SBF2: variants seen among roughly 807,000 people sequenced by gnomAD.
SBF2 encodes the protein SET binding factor 2, also known as myotubularin-related protein 13.
SBF2 carries 112 observed loss-of-function variants against 225.2 expected under a neutral mutation model. The ratio of observed to expected loss-of-function variants is 0.50; its 90% CI spans 0.43 to 0.58. The LOEUF is 0.58. Ranked by LOEUF, SBF2 falls within the 20% of genes least tolerant of loss-of-function variation. The pLI, the probability that SBF2 is intolerant of heterozygous loss-of-function variation, is 0.00. For synonymous variants in SBF2, 763 were observed against 773.3 expected, an observed-to-expected ratio of 0.99 and a Z score of 0.22; for missense variants, 1,996 against 2,206.2, an observed-to-expected ratio of 0.90 and a Z score of 1.91.
chr11:9,795,909 T>C lies in SBF2; in HGVS notation c.4492A>G (p.Lys1498Glu), dbSNP rs1212663064. Residue 1498 changes from lysine (K) to glutamate (E), a missense_variant, in exon 33 of 40, where the codon AAG becomes GAG. Coordinates refer to ENST00000256190, the MANE Select transcript of SBF2 (RefSeq NM_030962.4). ...TEFEFNLYYL[K>E]FLAFHYVSNR... Reference sequence around the variant, plus strand: ...GACACATAGTGGAAAGCCAAGAACTTTAAGTAATAGAGATTGAATTCAAAC... The same window carrying C: ...GACACATAGTGGAAAGCCAAGAACTCTAAGTAATAGAGATTGAATTCAAAC... 6.2e-7 allele frequency: 1 copy of C among 1,613,704 alleles called. No individual in the cohort carries two copies.
intron 17 of SBF2, among the ~76,000 whole-genome samples, chr11:9,892,577 T>A (rs538887501): frequency 6.6e-6 from 1 of 151,008 alleles, no homozygotes; most frequent in South Asian, 2.1e-4. Flanking sequence ...TTTTTTTTTT[T>A]AGACGGAGTT....
intron 33 of SBF2, among the ~76,000 whole-genome samples, chr11:9,795,090 C>T (rs1268552909): frequency 6.6e-6 from 1 of 152,116 alleles, no homozygotes. Context: ...TTTCCTCTCC[C>T]CCGTAACAGT....
chr11:10,275,599 G>A (rs1309477894), intron 1 of SBF2, among the ~76,000 whole-genome samples: 13 of 149,112 alleles, frequency 8.7e-5, no homozygotes, highest in South Asian at 4.3e-4. Flanking sequence ...TGTATTCTAC[G>A]GTTTAACATT....
At chr11:10,214,971 T>C (rs1017474581) in intron 1 of SBF2, among the ~76,000 whole-genome samples, 2 of 152,038 alleles carry the variant, frequency 1.3e-5, no homozygotes, top group South Asian at 2.1e-4. Context: ...TAGAAACAAC[T>C]CCTAGCCCAC....
In SBF2 at chr11:10,284,258, T is replaced by C. The variant is rs182896455; in HGVS notation, c.55+9757A>G. ...AATCTCATTCACATTTCCTCAGTTTTACCTATACTCATTTGTGGTTGTATG... is the reference window on the plus strand; with the variant it reads ...AATCTCATTCACATTTCCTCAGTTTCACCTATACTCATTTGTGGTTGTATG... On this transcript the variant is annotated intron_variant, in intron 1 of 39. Coordinates refer to ENST00000256190, the MANE Select transcript of SBF2 (RefSeq NM_030962.4). Among the ~76,000 whole-genome samples the C allele has an allele frequency of 1.8e-3, 268 of 152,336 alleles. 1 individual carries two copies. The highest frequency in any genetic ancestry group is 5.9e-3 in the African/African-American group (246 of 41,568).
At chr11:9,867,323 T>C (rs1331163937) in intron 17 of SBF2, among the ~76,000 whole-genome samples, 1 of 151,962 alleles carries the variant, frequency 6.6e-6, no homozygotes, top group Non-Finnish European at 1.5e-5. Flanking sequence ...CCAGTTAAAT[T>C]GAAAAACACA....
chr11:10,018,966 T>C (rs1419240702), intron 6 of SBF2, among the ~76,000 whole-genome samples: 1 of 152,202 alleles, frequency 6.6e-6, no homozygotes, highest in Non-Finnish European at 1.5e-5. Context: ...TCTTCTAGAA[T>C]GCCCTTATTT....
chr11:10,162,843 G>C (rs1352789187), intron 2 of SBF2, among the ~76,000 whole-genome samples: 1 of 152,144 alleles, frequency 6.6e-6, no homozygotes, highest in Non-Finnish European at 1.5e-5. Flanking sequence ...ACTAGGAACA[G>C]TTCTGTTTAT....
At chr11:10,075,761 A>C (rs1255139536) in intron 2 of SBF2, among the ~76,000 whole-genome samples, 1 of 152,192 alleles carries the variant, frequency 6.6e-6, no homozygotes, top group Admixed American at 6.5e-5. Flanking sequence ...TTTTCTTTAT[A>C]AATTACCGGT....
At chr11:10,145,088 G>A (rs1201806340) in intron 2 of SBF2, among the ~76,000 whole-genome samples, 2 of 152,154 alleles carry the variant, frequency 1.3e-5, no homozygotes, top group Admixed American at 6.5e-5. Flanking sequence ...ACAAAGAGGC[G>A]ATGGCTTGTC....
chr11:9,812,803 G>A (rs1854263417), intron 29 of SBF2, 95 bp from the exon 30 acceptor site: 5 of 1,284,890 alleles, frequency 3.9e-6, no homozygotes, highest in African/African-American at 1.5e-5. Flanking sequence ...AAAGTTATTT[G>A]GGGCCAAATA....
chr11:9,895,421 A>C (rs970248967), intron 17 of SBF2, among the ~76,000 whole-genome samples: 7 of 152,250 alleles, frequency 4.6e-5, no homozygotes, highest in African/African-American at 1.4e-4. Context: ...GAATCTATTT[A>C]TGAAAAAGCA....
At chr11:9,828,588 A>T (rs1452454027) in intron 28 of SBF2, 1 of 985,310 alleles carries the variant, frequency 1.0e-6, no homozygotes, top group East Asian at 1.1e-4. Context: ...CTAACACATT[A>T]GGGTTACCTC....
chr11:9,809,173 A>C, intron 30 of SBF2, 171 bp from the exon 31 acceptor site: 4 of 579,668 alleles, frequency 6.9e-6, no homozygotes, highest in East Asian at 3.2e-5. Flanking sequence ...AGATTAAACA[A>C]TGACACTTTT....
At chr11:9,794,701 A>AAAAAAAAAAAAAAAAAAAC (rs1564859833) in intron 33 of SBF2, among the ~76,000 whole-genome samples, 1 of 147,310 alleles carries the variant, frequency 6.8e-6, no homozygotes, top group Admixed American at 6.7e-5. Flanking sequence ...AAAAAAAAAA[A>AAAAAAAAAAAAAAAAAAAC]AAAAAAGACC....
chr11:9,823,275 G>A (rs1225704631), intron 28 of SBF2, among the ~76,000 whole-genome samples: 1 of 152,142 alleles, frequency 6.6e-6, no homozygotes, highest in Non-Finnish European at 1.5e-5. Flanking sequence ...TGCAGCCCTT[G>A]TATTAGGAAC....
intron 17 of SBF2, among the ~76,000 whole-genome samples, chr11:9,863,599 T>C (rs1401470608): frequency 6.6e-6 from 1 of 152,216 alleles, no homozygotes; most frequent in Non-Finnish European, 1.5e-5. Flanking sequence ...ATCACTTTAA[T>C]AATTAATTTT....
chr11:9,785,385 AT>A, intron 36 of SBF2, 67 bp from the exon 37 acceptor site: 2 of 1,248,994 alleles, frequency 1.6e-6, no homozygotes, highest in Non-Finnish European at 2.4e-6. Context: ...GGAAAATTTC[AT>A]TTACAAATAT....
chr11:10,127,378 T>C (rs188370660), intron 2 of SBF2, among the ~76,000 whole-genome samples: 1 of 152,248 alleles, frequency 6.6e-6, no homozygotes, highest in Admixed American at 6.5e-5. Context: ...AACTGTTTCC[T>C]CTTTTAGGCT....
Sources: allele counts gnomAD v4.1 joint callset (sites outside exome capture counted in the v4.1 genomes callset), GRCh38; gene constraint gnomAD v4.1.1; transcripts MANE v1.5; gene names NCBI Gene and HGNC (gene_info 2026-07-23, HGNC 2026-07-21).